Variants in PDE6C observed in about 807,000 individuals in gnomAD.
The protein encoded by PDE6C is cone cGMP-specific 3',5'-cyclic phosphodiesterase subunit alpha'.
A neutral mutation model predicts 113.1 loss-of-function variants in PDE6C; 75 were observed. The ratio of observed to expected loss-of-function variants is 0.66; its 90% CI spans 0.55 to 0.80. PDE6C has a LOEUF of 0.80. Ranked by LOEUF, PDE6C falls within the 30% of genes least tolerant of loss-of-function variation. The pLI is 0.00. For missense variants in PDE6C, 912 were observed against 1,038.6 expected (o/e 0.88, Z 1.67); for synonymous variants, 375 against 363.7 (o/e 1.03, Z -0.35).
At chr10:93,651,204 G>A (rs2058608530) in intron 15 of PDE6C, among the ~76,000 whole-genome samples, 1 of 152,174 alleles carries the variant, frequency 6.6e-6, no homozygotes, top group South Asian at 2.1e-4. Flanking sequence ...AAGAAGGGCA[G>A]GAATGAGCTG....
intron 16 of PDE6C, among the ~76,000 whole-genome samples, chr10:93,658,194 A>G (rs1028855400): frequency 1.5e-5 from 2 of 130,812 alleles, no homozygotes; most frequent in Non-Finnish European, 3.3e-5. Context: ...AAAAAAAAAG[A>G]AAAAGAAAAA....
intron 1 of PDE6C, among the ~76,000 whole-genome samples, chr10:93,616,339 C>A (rs1426596990): frequency 1.3e-5 from 2 of 152,146 alleles, no homozygotes; most frequent in Non-Finnish European, 2.9e-5. Flanking sequence ...ATACTCCCAA[C>A]CTTGGAGGGT....
chr10:93,665,920 C>CCTT lies in PDE6C; in HGVS notation c.*503_*505dup, dbSNP rs531313947. ...CCTCTGTGTGTCTGTGTCCTAATCT[C>CCTT]CTTTTCTTATAAGGACTCCAGTAGG... On this transcript the variant is annotated 3_prime_UTR_variant, in exon 22 of 22. Coordinates refer to ENST00000371447, the MANE Select transcript of PDE6C (RefSeq NM_006204.4). The CCTT allele has an allele frequency of 3.1e-4, 60 of 193,986 alleles. No individual in the cohort carries two copies. In the South Asian group the frequency reaches 5.6e-3, roughly 18 times the overall value. The allele number at this position is 193,986 out of a possible 1,614,324, so 12.0% of individuals were successfully genotyped here. A position where few individuals can be genotyped will look rare whatever the true frequency, so the allele number is the denominator to read the frequency against.
Position 93,640,475 on chromosome 10 carries a change from T to C in PDE6C, c.1655T>C (p.Val552Ala). Residue 552 changes from valine to alanine, a missense_variant, in exon 13 of 22, where the codon GTG becomes GCG. Val to Ala is a moderately conservative substitution (Grantham distance 64). Transcript: ENST00000371447. The stretch of plus-strand genomic sequence containing the variant: ...GTTCTTACCAGATGGATGTACACTG[T>C]GAGGAAAGGGTACCGAGCTGTCACT... ...VEVLTRWMYT[V>A]RKGYRAVTYH... 6.2e-7 allele frequency: 1 copy of C among 1,613,460 alleles called. No individual in the cohort carries two copies. The highest frequency in any genetic ancestry group is 8.5e-7 in the Non-Finnish European group (1 of 1,179,442).
intron 15 of PDE6C, among the ~76,000 whole-genome samples, chr10:93,652,454 T>G (rs1202691460): frequency 1.3e-5 from 2 of 152,112 alleles, no homozygotes; most frequent in Non-Finnish European, 2.9e-5. Flanking sequence ...AAAATGAAAA[T>G]GAGTGAGAAG....
Position 93,663,126 on chromosome 10 carries a change from G to C in PDE6C, c.2466G>C (p.Lys822Asn), listed in dbSNP as rs79487435. 1.2e-4 allele frequency: 194 copies of C among 1,613,652 alleles called. No individual in the cohort carries two copies. The highest frequency in any genetic ancestry group is 3.3e-4 in the Middle Eastern group (2 of 6,066). ...WKSLADEYDA[K>N]MKVIEEEAKK... The stretch of plus-strand genomic sequence containing the variant: ...CACTAGCTGATGAGTATGATGCAAA[G>C]ATGAAGGTCATTGAAGAGGAGGCAA... The change falls in exon 21 of 22, where the codon AAG becomes AAC. Residue 822 changes from lysine to asparagine, a missense_variant. Coordinates refer to ENST00000371447, the MANE Select transcript of PDE6C (RefSeq NM_006204.4).
At chr10:93,618,655 T>C (rs146920824) in intron 1 of PDE6C, among the ~76,000 whole-genome samples, 78 of 152,300 alleles carry the variant, frequency 5.1e-4, no homozygotes, top group Middle Eastern at 6.8e-3. Flanking sequence ...CCCCATTGGG[T>C]TGAGCCTAAG....
At position 93,640,323 on chromosome 10, in the gene PDE6C, A is replaced by G. The variant is rs180723017; in HGVS notation, c.1629+107A>G. ...TCAGTTTGAATTTTAAATTATTATT[A>G]ACTTTCTAAATACATCAGCTTAACC... On this transcript the variant is annotated intron_variant, in intron 12 of 21. Coordinates refer to ENST00000371447, the MANE Select transcript of PDE6C (RefSeq NM_006204.4). 3.8e-3 allele frequency: 4,964 copies of G among 1,313,562 alleles called. 15 individuals carry two copies. The highest frequency in any genetic ancestry group is 4.9e-3 in the Non-Finnish European group (4,432 of 907,080). The allele number at this position is 1,313,562 out of a possible 1,614,324, so 81.4% of individuals were successfully genotyped here.
At position 93,620,487 on chromosome 10, in the gene PDE6C, G is replaced by A. The variant is rs185504138; in HGVS notation, c.481-145G>A. ...CAGTCATAGGATGGCAGGTGGAGTGGGATTGTTTACTGGGGACCACTGTAC... is the reference window on the plus strand; with the variant it reads ...CAGTCATAGGATGGCAGGTGGAGTGAGATTGTTTACTGGGGACCACTGTAC... On this transcript the variant is annotated intron_variant, in intron 1 of 21. Transcript: ENST00000371447. The A allele has an allele frequency of 4.3e-3, 3,407 of 800,206 alleles. 15 individuals carry two copies. The highest frequency in any genetic ancestry group is 6.4e-3 in the Non-Finnish European group (2,990 of 465,998). 49.6% of individuals were successfully genotyped at this position (800,206 alleles called of 1,614,324 possible). A position where few individuals can be genotyped will look rare whatever the true frequency, so the allele number is the denominator to read the frequency against.
chr10:93,636,970 C>T (rs2058536127), intron 10 of PDE6C, 25 bp from the exon 11 acceptor site: 2 of 1,272,568 alleles, frequency 1.6e-6, no homozygotes, highest in Non-Finnish European at 1.2e-6. Context: ...AGGAATTTCA[C>T]ACCTCAATTG....
intron 14 of PDE6C, among the ~76,000 whole-genome samples, chr10:93,641,249 T>C (rs1421955084): frequency 6.6e-6 from 1 of 152,162 alleles, no homozygotes; most frequent in Non-Finnish European, 1.5e-5. Flanking sequence ...CTGTTTTCAT[T>C]TCCAGATGTG....
At chr10:93,633,847 AGC>A (rs1342797877) in intron 8 of PDE6C, among the ~76,000 whole-genome samples, 8 of 152,332 alleles carry the variant, frequency 5.3e-5, no homozygotes, top group African/African-American at 1.9e-4. Context: ...AGTGGTAAGA[AGC>A]ACTTCCCATC....
intron 21 of PDE6C, among the ~76,000 whole-genome samples, chr10:93,664,887 C>T (rs1027881991): frequency 6.6e-6 from 1 of 152,122 alleles, no homozygotes; most frequent in Non-Finnish European, 1.5e-5. Context: ...TTTTTTGAGA[C>T]GGAGTCTCAC....
At chr10:93,655,217 AT>A (rs1427581346) in intron 15 of PDE6C, among the ~76,000 whole-genome samples, 1 of 152,174 alleles carries the variant, frequency 6.6e-6, no homozygotes, top group Non-Finnish European at 1.5e-5. Context: ...GTAAAATAGA[AT>A]TGCATGAAAA....
chr10:93,646,183 G>A, intron 15 of PDE6C, 136 bp downstream of exon 15: 1 of 642,054 alleles, frequency 1.6e-6, no homozygotes, highest in Non-Finnish European at 2.8e-6. Flanking sequence ...TCAATTGATA[G>A]AAATTGCTAT....
Position 93,659,008 on chromosome 10 carries a change from T to A in PDE6C, c.2144T>A (p.Met715Lys). The change falls in exon 17 of 22, where the codon ATG becomes AAG. Residue 715 changes from methionine (M) to lysine (K), a missense_variant and splice_region_variant. Physicochemically the swap from Met to Lys is moderately conservative, Grantham distance 95. Transcript: ENST00000371447. ...TVDPTKKEII[M>K]AMMMTACDLS... ...GATCCAACCAAGAAAGAGATTATCA[T>A]GTAGGTAGTTGAAATTGTATTTCTC... 4 of 1,577,414 alleles carry A rather than the reference T, an allele frequency of 2.5e-6. No individual in the cohort carries two copies. The highest frequency in any genetic ancestry group is 3.5e-6 in the Non-Finnish European group (4 of 1,146,794).
intron 19 of PDE6C, 123 bp from the exon 20 acceptor site, chr10:93,662,437 G>T: frequency 1.8e-6 from 1 of 561,752 alleles, no homozygotes. Context: ...CACCCAGACT[G>T]GAGACAGAGT....
intron 18 of PDE6C, among the ~76,000 whole-genome samples, chr10:93,661,224 A>C (rs2058664368): frequency 6.6e-6 from 1 of 151,480 alleles, no homozygotes; most frequent in African/African-American, 2.4e-5. Context: ...CTCAACTCAC[A>C]CTCCCAGCAT....
rs192109028 is a variant in PDE6C, at chr10:93,654,791, T to C, written c.1936-969T>C. 6.8e-3 allele frequency among the ~76,000 whole-genome samples: 709 copies of C among 104,556 alleles called. 14 individuals are homozygous for C. The highest frequency in any genetic ancestry group is 0.02 in the African/African-American group (674 of 33,130). The allele number at this position is 104,556 out of a possible 152,430, so 68.6% of individuals were successfully genotyped here. ...CTTTCTTTCTTTCTTTCTTTCTTTC[T>C]TTCTTTCTTTCTTTCTTTCTTTTTT... On this transcript the variant is annotated intron_variant, in intron 15 of 21. Coordinates refer to ENST00000371447, the MANE Select transcript of PDE6C (RefSeq NM_006204.4).
Sources: gnomAD v4.1 joint callset for allele counts (sites outside exome capture counted in the v4.1 genomes callset) on GRCh38, gnomAD v4.1.1 for gene constraint, MANE v1.5 for transcripts, NCBI Gene and HGNC (gene_info 2026-07-23, HGNC 2026-07-21) for gene names.